The following CTU2 variants were observed in gnomAD, a reference collection of about 807,000 sequenced individuals.
CTU2 encodes the protein cytosolic thiouridylase subunit 2, also known as cytoplasmic tRNA 2-thiolation protein 2.
Under a neutral mutation model 64.1 loss-of-function variants are expected in CTU2, and 80 were observed. That is an observed-to-expected ratio of 1.25 (90% CI 1.04 to 1.50). The LOEUF is 1.50. CTU2 is among the 40% of genes most tolerant of loss of function. The probability of loss-of-function intolerance (pLI) is 0.00; values close to 1 mark genes in which losing one functional copy is unlikely to be tolerated. For synonymous variants in CTU2, 482 were observed against 285.3 expected, an observed-to-expected ratio of 1.69 and a Z score of -6.95; for missense variants, 1,110 against 690.2, an observed-to-expected ratio of 1.61 and a Z score of -6.81.
At chr16:88,707,310 GTACT>G (rs1597420878) in intron 2 of CTU2, 100 bp downstream of exon 2, 5 of 1,128,160 alleles carry the variant, frequency 4.4e-6, no homozygotes, top group Non-Finnish European at 5.3e-6. Flanking sequence ...TTAAAAACAT[GTACT>G]TACTTTATTC....
intron 4 of CTU2, 185 bp downstream of exon 4, chr16:88,710,467 T>C (rs77794077): frequency 4.0e-5 from 24 of 599,194 alleles, no homozygotes; most frequent in South Asian, 2.8e-4. Context: ...GAGTCCACAG[T>C]GTGTGTGTGC....
rs1555551088 is a variant in CTU2, at chr16:88,714,264, G to T, written c.1097+37G>T. Reference sequence around the variant, plus strand: ...TGTGGGTGTGTGCGGGGGGTGCGCGGGTGTGTGCTGTGCGCGGGTGTGTGC... The same window carrying T: ...TGTGGGTGTGTGCGGGGGGTGCGCGTGTGTGTGCTGTGCGCGGGTGTGTGC... On this transcript the variant is annotated intron_variant, in intron 10 of 14. Transcript: ENST00000453996. The T allele has an allele frequency of 1.3e-6, 2 of 1,597,732 alleles. 1 individual carries two copies. The highest frequency in any genetic ancestry group is 2.2e-5 in the South Asian group (2 of 90,368).
At chr16:88,714,800 C>G in intron 12 of CTU2, 60 bp from the exon 13 acceptor site, 4 of 1,610,326 alleles carry the variant, frequency 2.5e-6, no homozygotes, top group Non-Finnish European at 3.4e-6. Flanking sequence ...CCTGTCCTTA[C>G]CCCACACTGC....
At position 88,709,715 on chromosome 16, in the gene CTU2, C is replaced by A. The variant is rs1911164638; in HGVS notation, c.144-223C>A. On this transcript the variant is annotated intron_variant, in intron 2 of 14. Transcript: ENST00000453996. The stretch of plus-strand genomic sequence containing the variant: ...GCCTCCGTGGCTGTGCAGTTTGTAC[C>A]TGGTCGTGGGAGGGGCCGGTGAGCC... 1.1e-5 allele frequency: 6 copies of A among 569,650 alleles called. No individual in the cohort carries two copies. The South Asian group carries it at 1.2e-4, about 12-fold the overall frequency. The allele number at this position is 569,650 out of a possible 1,614,324, so 35.3% of individuals were successfully genotyped here.
rs764455469 is a variant in CTU2, at chr16:88,713,367, G to C, written c.793G>C (p.Gly265Arg). The change falls in exon 8 of 15, where the codon GGG (glycine) becomes CGG (arginine). Residue 265 changes from glycine to arginine, a missense_variant. By Grantham distance (125) the Gly-to-Arg change is moderately radical. Coordinates refer to ENST00000453996, the MANE Select transcript of CTU2 (RefSeq NM_001012759.3). ...CCACGGCTACTCCAAGGTCATGACTGGGGACAGCTGCACACGCTTGGCTAT... is the reference window on the plus strand; with the variant it reads ...CCACGGCTACTCCAAGGTCATGACTCGGGACAGCTGCACACGCTTGGCTAT... ...RAHGYSKVMT[G>R]DSCTRLAIKL... The C allele has an allele frequency of 1.9e-6, 3 of 1,603,126 alleles. No homozygotes were observed. In the East Asian group the frequency reaches 6.9e-5, roughly 37 times the overall value.
At position 88,715,291 on chromosome 16, in the gene CTU2, C is replaced by T. The variant is rs1567654978; in HGVS notation, c.*40C>T. ...TTGCCGGGACAGCAGGCAGTGGCCACCTGGTACACCACACTGGAGCCGGAA... is the reference window on the plus strand; with the variant it reads ...TTGCCGGGACAGCAGGCAGTGGCCATCTGGTACACCACACTGGAGCCGGAA... On this transcript the variant is annotated 3_prime_UTR_variant, in exon 15 of 15. Transcript: ENST00000453996. The T allele has an allele frequency of 1.9e-6, 3 of 1,596,608 alleles. No individual in the cohort carries two copies. Among genetic ancestry groups the T allele is most frequent in the Non-Finnish European group, 2.6e-6 (3 of 1,172,132 alleles).
chr16:88,714,861 G>A lies in CTU2; in HGVS notation c.1354G>A (p.Glu452Lys), dbSNP rs147221214. The change falls in exon 13 of 15, where the codon GAG becomes AAG. Residue 452 changes from glutamate to lysine, a missense_variant and splice_region_variant. Physicochemically the swap from Glu to Lys is moderately conservative, Grantham distance 56. Coordinates refer to ENST00000453996, the MANE Select transcript of CTU2 (RefSeq NM_001012759.3). ...QRCGQGACRREDPQACIEEQL... is the reference protein window; with the variant it reads ...QRCGQGACRRKDPQACIEEQL... Reference sequence around the variant, plus strand: ...ACACAGCCAGCTCTGCTCCCGCAGGGAGGACCCCCAAGCCTGCATTGAGGA... The same window carrying A: ...ACACAGCCAGCTCTGCTCCCGCAGGAAGGACCCCCAAGCCTGCATTGAGGA... 1 of 1,612,510 alleles carries A rather than the reference G, an allele frequency of 6.2e-7. No individual in the cohort carries two copies. The highest frequency in any genetic ancestry group is 1.3e-5 in the African/African-American group (1 of 74,934).
chr16:88,707,618 CTG>C (rs1441447997), intron 2 of CTU2, among the ~76,000 whole-genome samples: 1 of 152,138 alleles, frequency 6.6e-6, no homozygotes, highest in East Asian at 1.9e-4. Context: ...CTTGTTTCAT[CTG>C]TGGCAGGATA....
At chr16:88,713,996 G>C in intron 9 of CTU2, 140 bp from the exon 10 acceptor site, 1 of 1,050,996 alleles carries the variant, frequency 9.5e-7, no homozygotes. Context: ...CGGGTTCTCT[G>C]GCTGCCTTGA....
Position 88,715,339 on chromosome 16 carries a change from C to T in CTU2, c.*88C>T, listed in dbSNP as rs1911898059. On this transcript the variant is annotated 3_prime_UTR_variant, in exon 15 of 15. Transcript: ENST00000453996. ...GAAGGCAAGGACGGGGGACTGGCCT[C>T]TGATTGTCCATTTGTATAAATAAAA... 3 of 1,335,110 alleles carry T rather than the reference C, an allele frequency of 2.2e-6. No homozygotes were observed. The highest frequency in any genetic ancestry group is 4.6e-5 in the Admixed American group (2 of 43,708). The allele number at this position is 1,335,110 out of a possible 1,614,324, so 82.7% of individuals were successfully genotyped here. A position where few individuals can be genotyped will look rare whatever the true frequency, so the allele number is the denominator to read the frequency against.
intron 1 of CTU2, 119 bp downstream of exon 1, chr16:88,706,717 C>G (rs1038257252): frequency 7.1e-6 from 5 of 703,956 alleles, no homozygotes; most frequent in Non-Finnish European, 1.1e-5. Context: ...GGACCTCGCT[C>G]CCTAGCACTC....
chr16:88,707,128 C>T lies in CTU2; in HGVS notation c.69-8C>T, dbSNP rs772251054. 1.4e-5 allele frequency: 22 copies of T among 1,613,608 alleles called. No individual in the cohort carries two copies. Among genetic ancestry groups the T allele is most frequent in the South Asian group, 4.4e-5 (4 of 91,072 alleles). ...GTTTCTCTCTTCTCCCCCCTCCCAT[C>T]TCCAAAGCCGTGAGCAGAAGTGTGT... On this transcript the variant is annotated splice_polypyrimidine_tract_variant and splice_region_variant and intron_variant, in intron 1 of 14. Transcript: ENST00000453996.
chr16:88,710,059 C>T lies in CTU2; in HGVS notation c.222+43C>T, dbSNP rs372288432. The T allele has an allele frequency of 1.1e-5, 18 of 1,604,474 alleles. No individual in the cohort carries two copies. In the African/African-American group the frequency reaches 1.3e-4, roughly 12 times the overall value. On this transcript the variant is annotated intron_variant, in intron 3 of 14. Transcript: ENST00000453996. Reference sequence around the variant, plus strand: ...GGGGTCTGACTGAGCAGCCTGGCCCCTCGAGGTCCCTGCTTGTCCCTCCCA... The same window carrying T: ...GGGGTCTGACTGAGCAGCCTGGCCCTTCGAGGTCCCTGCTTGTCCCTCCCA...
chr16:88,710,161 G>A (rs543371035), intron 3 of CTU2, 62 bp from the exon 4 acceptor site: 124 of 1,598,650 alleles, frequency 7.8e-5, no homozygotes, highest in South Asian at 2.2e-4. Context: ...AGATGTCCAC[G>A]AGGTGGGGTG....
rs368302599 is a variant in CTU2, at chr16:88,714,122, C to T, written c.1006-14C>T. On this transcript the variant is annotated splice_polypyrimidine_tract_variant and intron_variant, in intron 9 of 14. Transcript: ENST00000453996. ...TCTGGGCTTTCCCATAGCCTCCAAT[C>T]TGATTGTCCCTAGGCCCCTGAAAAG... 11 of 1,611,654 alleles carry T rather than the reference C, an allele frequency of 6.8e-6. No individual in the cohort carries two copies. Among genetic ancestry groups the T allele is most frequent in the Non-Finnish European group, 9.3e-6 (11 of 1,179,024 alleles).
chr16:88,712,021 G>A (rs1167513524), intron 5 of CTU2: 4 of 285,194 alleles, frequency 1.4e-5, no homozygotes, highest in African/African-American at 1.6e-4. Flanking sequence ...GATGGTGAGC[G>A]GGGGCCCAGG....
At chr16:88,707,254 C>T (rs200888804) in intron 2 of CTU2, 44 bp downstream of exon 2, 73 of 1,565,556 alleles carry the variant, frequency 4.7e-5, no homozygotes, top group Non-Finnish European at 6.2e-5. Context: ...CATGGCCTCG[C>T]TAGCAGACAG....
At chr16:88,706,739 G>C (rs2142697563) in intron 1 of CTU2, 141 bp downstream of exon 1, 1 of 609,736 alleles carries the variant, frequency 1.6e-6, no homozygotes, top group Non-Finnish European at 2.6e-6. Flanking sequence ...GGGAATGCCT[G>C]TCAAGCGGTG....
At chr16:88,708,739 A>G (rs916333319) in intron 2 of CTU2, among the ~76,000 whole-genome samples, 6 of 152,162 alleles carry the variant, frequency 3.9e-5, no homozygotes, top group African/African-American at 1.4e-4. Flanking sequence ...TGTGTCTGAC[A>G]GGAAGGAAGA....
Sources: allele counts gnomAD v4.1 joint callset (sites outside exome capture counted in the v4.1 genomes callset), GRCh38; gene constraint gnomAD v4.1.1; transcripts MANE v1.5; gene names NCBI Gene and HGNC (gene_info 2026-07-23, HGNC 2026-07-21).